The following TET3 variants were observed in gnomAD, a reference collection of about 807,000 sequenced individuals.
TET3 encodes the protein methylcytosine dioxygenase TET3.
In TET3, 19 loss-of-function variants were observed where a neutral mutation model predicts 141.4. The ratio of observed to expected loss-of-function variants is 0.13; its 90% CI spans 0.09 to 0.20. The LOEUF (loss-of-function observed/expected upper bound fraction) is 0.20, where lower values mean the gene tolerates loss of function less well. TET3 is among the 10% of genes least tolerant of loss of function. The probability of loss-of-function intolerance (pLI) is 1.00; values close to 1 mark genes in which losing one functional copy is unlikely to be tolerated. For synonymous variants in TET3, 1,043 were observed against 980.9 expected, an observed-to-expected ratio of 1.06 and a Z score of -1.18; for missense variants, 1,874 against 2,356.9, an observed-to-expected ratio of 0.80 and a Z score of 4.24.
the TET3 span, among the ~76,000 whole-genome samples, chr2:74,126,500 ATTT>A: frequency 7.4e-4 from 90 of 120,934 alleles, no homozygotes; most frequent in South Asian, 1.4e-3. Context: ...TATTTGCTGG[ATTT>A]TTTTTTTTTT....
chr2:74,003,800 G>C (rs1022564002), intron 3 of TET3, among the ~76,000 whole-genome samples: 1 of 150,896 alleles, frequency 6.6e-6, no homozygotes, highest in Non-Finnish European at 1.5e-5. Context: ...AGTGTTCCCA[G>C]GTGCGTGGGA....
chr2:74,097,218 C>CACACACAT (rs1558791366), intron 10 of TET3, among the ~76,000 whole-genome samples: 2 of 151,550 alleles, frequency 1.3e-5, no homozygotes, highest in Non-Finnish European at 1.5e-5. Flanking sequence ...CACACACACA[C>CACACACAT]ACACACACAC....
At chr2:74,038,187 G>C (rs941897963) in intron 3 of TET3, among the ~76,000 whole-genome samples, 1 of 152,190 alleles carries the variant, frequency 6.6e-6, no homozygotes, top group African/African-American at 2.4e-5. Context: ...GCTCTCTGAA[G>C]GTGGGAAATG....
In TET3 at chr2:74,105,801, A is replaced by G. The variant is rs375954696; in HGVS notation, c.*3625A>G. ...TCGATGATAACCTAATTTCATTGAG[A>G]GAAACCCAGCCAGACTTGCTTCTAG... is the stretch of plus-strand genomic sequence containing the variant. On this transcript the variant is annotated 3_prime_UTR_variant, in exon 12 of 12. Transcript: ENST00000409262. The G allele has an allele frequency of 6.2e-5, 10 of 160,934 alleles. No homozygotes were observed. The allele number at this position is 160,934 out of a possible 1,614,324, so 10.0% of individuals were successfully genotyped here.
At chr2:74,094,259 G>A (rs1456308430) in intron 10 of TET3, among the ~76,000 whole-genome samples, 1 of 152,180 alleles carries the variant, frequency 6.6e-6, no homozygotes, top group African/African-American at 2.4e-5. Flanking sequence ...ACTATCTGGG[G>A]GTAGAGTGCT....
the TET3 span, among the ~76,000 whole-genome samples, chr2:74,129,409 G>C: frequency 6.8e-6 from 1 of 148,026 alleles, no homozygotes. Context: ...GAGGCAGGCA[G>C]ATCACCTGAG....
Position 73,985,079 on chromosome 2 carries a change from CCGCGACGGTGGT to C in TET3, c.-502_-491del, listed in dbSNP as rs1351366290. 6.9e-6 allele frequency: 1 copy of C among 145,154 alleles called. No homozygotes were observed. The highest frequency in any genetic ancestry group is 1.5e-5 in the Non-Finnish European group (1 of 65,394). 9.0% of individuals were successfully genotyped at this position (145,154 alleles called of 1,614,324 possible). ...GAGCCCCAGGCGGCGGCGGCGGCGG[CCGCGACGGTGGT>C]GGCGGCGGCGGCGCGGGCCGGGAAA... is the stretch of plus-strand genomic sequence containing the variant. On this transcript the variant is annotated 5_prime_UTR_variant, in exon 1 of 12. Coordinates refer to ENST00000409262, the MANE Select transcript of TET3 (RefSeq NM_001287491.2).
At chr2:74,022,415 TTTTG>T (rs1357800375) in intron 3 of TET3, among the ~76,000 whole-genome samples, 1 of 151,916 alleles carries the variant, frequency 6.6e-6, no homozygotes, top group African/African-American at 2.4e-5. Flanking sequence ...TTGGGGGGTT[TTTTG>T]TTTGTTTTTT....
rs1249662723 is a variant in TET3, at chr2:74,104,958, A to G, written c.*2782A>G. 2.6e-6 allele frequency: 1 copy of G among 389,114 alleles called. No individual in the cohort carries two copies. The highest frequency in any genetic ancestry group is 3.6e-5 in the East Asian group (1 of 27,474). 24.1% of individuals were successfully genotyped at this position (389,114 alleles called of 1,614,324 possible). ...AAGCCCATGCTGATTTGTACACTAC[A>G]TGTCTAACCTACCTCAAATCTCAGT... On this transcript the variant is annotated 3_prime_UTR_variant, in exon 12 of 12. Transcript: ENST00000409262.
intron 3 of TET3, among the ~76,000 whole-genome samples, chr2:74,026,262 T>G (rs1252662718): frequency 6.6e-6 from 1 of 151,962 alleles, no homozygotes; most frequent in African/African-American, 2.4e-5. Context: ...AGATCAGGGC[T>G]GAGGAACAGA....
chr2:74,099,284 C>T lies in TET3; in HGVS notation c.3276C>T (p.Thr1092=). The T allele has an allele frequency of 1.3e-6, 2 of 1,595,926 alleles. No homozygotes were observed. The highest frequency in any genetic ancestry group is 1.7e-6 in the Non-Finnish European group (2 of 1,171,118). Residue 1092 remains threonine (T), a synonymous_variant, in exon 11 of 12, where the codon ACC becomes ACT. Coordinates refer to ENST00000409262, the MANE Select transcript of TET3 (RefSeq NM_001287491.2). ...NLYNGCTVVC[T]LTKEDNRCVG... ...CCCACTGCTTGGGGCAGGTCTGCAC[C>T]CTGACCAAGGAAGACAATCGCTGCG...
At chr2:74,124,184 G>T in the TET3 span, among the ~76,000 whole-genome samples, 2 of 148,592 alleles carry the variant, frequency 1.3e-5, no homozygotes, top group Admixed American at 1.3e-4. Flanking sequence ...GGCAGCCCCC[G>T]CCCGGCCAGC....
At chr2:74,073,779 A>C in intron 5 of TET3, 140 bp downstream of exon 5, 2 of 625,490 alleles carry the variant, frequency 3.2e-6, no homozygotes, top group Non-Finnish European at 5.3e-6. Context: ...GGGAAGGTTT[A>C]CTGTGGGATC....
In TET3 at chr2:74,047,233, C is replaced by T; in HGVS notation, c.1316C>T (p.Thr439Ile). ...PRTEFPEAWG[T>I]DTPPATPRSS... Reference sequence around the variant, plus strand: ...ACTGAGTTCCCTGAAGCCTGGGGCACTGACACCCCTCCAGCAACGCCCCGG... The same window carrying T: ...ACTGAGTTCCCTGAAGCCTGGGGCATTGACACCCCTCCAGCAACGCCCCGG... The change falls in exon 4 of 12, where the codon ACT becomes ATT. Residue 439 changes from threonine (T) to isoleucine (I), a missense_variant. Thr to Ile is a moderately conservative substitution (Grantham distance 89, BLOSUM62 -1). This residue lies in a region of TET3 where 484 missense variants were observed against 462.2 expected (regional missense o/e 1.05). Transcript: ENST00000409262. 10 of 1,614,022 alleles carry T rather than the reference C, an allele frequency of 6.2e-6. No homozygotes were observed. Among genetic ancestry groups the T allele is most frequent in the Non-Finnish European group, 8.5e-6 (10 of 1,179,898 alleles).
intron 4 of TET3, among the ~76,000 whole-genome samples, chr2:74,059,694 A>AT (rs1688400036): frequency 6.6e-6 from 1 of 152,178 alleles, no homozygotes; most frequent in South Asian, 2.1e-4. Flanking sequence ...CTACAGGCAC[A>AT]TGCCACTGTG....
intron 3 of TET3, among the ~76,000 whole-genome samples, chr2:74,014,577 C>A (rs888276058): frequency 2.6e-5 from 4 of 151,974 alleles, no homozygotes; most frequent in African/African-American, 9.7e-5. Context: ...TTCTTTTTTA[C>A]CCTAAGCAAA....
chr2:74,077,917 G>A (rs753713045), intron 5 of TET3, among the ~76,000 whole-genome samples: 5 of 152,340 alleles, frequency 3.3e-5, no homozygotes, highest in African/African-American at 7.2e-5. Context: ...ATAAATGCTT[G>A]TTGAAATGAA....
At position 74,068,805 on chromosome 2, in the gene TET3, C is replaced by T. The variant is rs1025930150; in HGVS notation, c.2495-4744C>T. On this transcript the variant is annotated intron_variant, in intron 4 of 11. Coordinates refer to ENST00000409262, the MANE Select transcript of TET3 (RefSeq NM_001287491.2). ...AATGACATCTCATTGTAGCTTTATG[C>T]GTGTTTGAGCCATTTGCATTTTTCA... Among the ~76,000 whole-genome samples the T allele has an allele frequency of 2.0e-5, 3 of 152,168 alleles. 1 individual carries two copies. Among genetic ancestry groups the T allele is most frequent in the South Asian group, 4.1e-4 (2 of 4,836 alleles).
At chr2:74,058,197 G>A (rs1344896711) in intron 4 of TET3, among the ~76,000 whole-genome samples, 1 of 152,188 alleles carries the variant, frequency 6.6e-6, no homozygotes, top group African/African-American at 2.4e-5. Flanking sequence ...TGAGGAAGAG[G>A]CATGGTCTTG....
Sources: allele counts gnomAD v4.1 joint callset (sites outside exome capture counted in the v4.1 genomes callset), GRCh38; gene constraint gnomAD v4.1.1; regional missense constraint gnomAD v4.1.1; transcripts MANE v1.5; gene names NCBI Gene and HGNC (gene_info 2026-07-23, HGNC 2026-07-21).